The following MAGI2 variants were observed in gnomAD, a reference collection of about 807,000 sequenced individuals.
MAGI2 encodes the protein membrane-associated guanylate kinase, WW and PDZ domain-containing protein 2.
Under a neutral mutation model 133.3 loss-of-function variants are expected in MAGI2, and 35 were observed. That is an observed-to-expected ratio of 0.26 (90% CI 0.20 to 0.35). The LOEUF (loss-of-function observed/expected upper bound fraction) is 0.35, where lower values mean the gene tolerates loss of function less well. Ranked by LOEUF, MAGI2 falls within the 10% of genes least tolerant of loss-of-function variation. MAGI2 has a pLI of 1.00. For synonymous variants in MAGI2, 729 were observed against 710.6 expected (o/e 1.03, Z -0.41); for missense variants, 1,636 against 1,863.4 (o/e 0.88, Z 2.25).
intron 1 of MAGI2, among the ~76,000 whole-genome samples, chr7:79,404,500 C>T (rs753978126): frequency 6.6e-6 from 1 of 152,060 alleles, no homozygotes; most frequent in African/African-American, 2.4e-5. Context: ...CGTGTTCAGC[C>T]TTTAACATTT....
chr7:78,126,753 G>C (rs548379587), intron 19 of MAGI2, among the ~76,000 whole-genome samples: 41 of 152,326 alleles, frequency 2.7e-4, no homozygotes, highest in African/African-American at 9.9e-4. Context: ...ACAGGGGCTT[G>C]GCCCTTTATC....
chr7:78,710,029 C>T (rs1455124457), intron 2 of MAGI2, among the ~76,000 whole-genome samples: 4 of 152,116 alleles, frequency 2.6e-5, no homozygotes, highest in Non-Finnish European at 5.9e-5. Context: ...CTAACATATC[C>T]AGGAGGGTAA....
chr7:79,153,918 G>A (rs1341285325), intron 1 of MAGI2, among the ~76,000 whole-genome samples: 2 of 152,116 alleles, frequency 1.3e-5, no homozygotes, highest in Non-Finnish European at 2.9e-5. Flanking sequence ...TAAGAAACAG[G>A]AAAGTTAAAT....
chr7:79,358,803 A>G (rs1354978755), intron 1 of MAGI2, among the ~76,000 whole-genome samples: 2 of 152,182 alleles, frequency 1.3e-5, no homozygotes, highest in Admixed American at 1.3e-4. Context: ...AACCAAGTAG[A>G]CCATAATAAT....
chr7:78,749,863 C>A (rs959237647), intron 2 of MAGI2, among the ~76,000 whole-genome samples: 63 of 152,214 alleles, frequency 4.1e-4, no homozygotes, highest in African/African-American at 1.5e-3. Context: ...AATTTTTCTT[C>A]ATTCATTTAA....
chr7:78,355,402 T>TGTCA (rs1432379730), intron 7 of MAGI2, among the ~76,000 whole-genome samples: 1 of 152,212 alleles, frequency 6.6e-6, no homozygotes, highest in African/African-American at 2.4e-5. Context: ...GAAGAATGAA[T>TGTCA]GTCAGCCTTG....
intron 1 of MAGI2, among the ~76,000 whole-genome samples, chr7:79,287,038 A>G (rs868292544): frequency 7.9e-5 from 12 of 152,186 alleles, no homozygotes; most frequent in African/African-American, 2.9e-4. Flanking sequence ...CAATTCCTTA[A>G]TCATGGCTGG....
intron 10 of MAGI2, among the ~76,000 whole-genome samples, chr7:78,206,284 C>T (rs954397725): frequency 7.2e-6 from 1 of 139,638 alleles, no homozygotes; most frequent in Non-Finnish European, 1.5e-5. Flanking sequence ...TTTCTTTTTC[C>T]TTTTCCTTTC....
At chr7:78,638,119 T>C (rs1809876507) in intron 2 of MAGI2, among the ~76,000 whole-genome samples, 1 of 151,658 alleles carries the variant, frequency 6.6e-6, no homozygotes, top group African/African-American at 2.4e-5. Flanking sequence ...ACTCATCACC[T>C]GAACTAAAAA....
At chr7:78,156,838 C>A (rs996773025) in intron 16 of MAGI2, among the ~76,000 whole-genome samples, 6 of 144,560 alleles carry the variant, frequency 4.2e-5, no homozygotes, top group Admixed American at 6.9e-5. Context: ...CAAAAAAAAA[C>A]CCCAAAAAAC....
chr7:78,343,868 T>G lies in MAGI2; in HGVS notation c.1318A>C (p.Ile440Leu). The change falls in exon 9 of 22, where the codon ATC (isoleucine) becomes CTC (leucine). Residue 440 changes from isoleucine (I) to leucine (L), a missense_variant. By Grantham distance (5) the Ile-to-Leu change is conservative. Transcript: ENST00000354212. ...KKSNMGFGFTIIGGDEPDEFL... is the reference protein window; with the variant it reads ...KKSNMGFGFTLIGGDEPDEFL... ...TCATCAGGCTCGTCTCCACCAATGA[T>G]GGTAAATCCAAAGCCCATGTTGCTC... 1 of 1,613,542 alleles carries G rather than the reference T, an allele frequency of 6.2e-7. No individual in the cohort carries two copies. Among genetic ancestry groups the G allele is most frequent in the South Asian group, 1.1e-5 (1 of 90,952 alleles).
At chr7:79,134,259 T>C (rs959109319) in intron 1 of MAGI2, among the ~76,000 whole-genome samples, 2 of 152,202 alleles carry the variant, frequency 1.3e-5, no homozygotes, top group Admixed American at 6.5e-5. Context: ...TATTAGTTGA[T>C]ATAATAATCA....
chr7:78,444,737 C>G (rs1359015179), intron 6 of MAGI2, among the ~76,000 whole-genome samples: 2 of 135,940 alleles, frequency 1.5e-5, no homozygotes, highest in Non-Finnish European at 3.2e-5. Flanking sequence ...GTTTTCCCGG[C>G]TCTCCCTCAA....
At chr7:78,899,185 A>G (rs1797426415) in intron 2 of MAGI2, among the ~76,000 whole-genome samples, 1 of 152,202 alleles carries the variant, frequency 6.6e-6, no homozygotes, top group East Asian at 1.9e-4. Context: ...TAATATTTTC[A>G]TAAGAATGAA....
intron 6 of MAGI2, chr7:78,486,801 T>C (rs998015324): frequency 4.5e-6 from 2 of 439,814 alleles, no homozygotes; most frequent in South Asian, 3.6e-5. Context: ...TCATGTATCT[T>C]ACTACTGCCC....
intron 6 of MAGI2, among the ~76,000 whole-genome samples, chr7:78,387,930 A>G (rs1404256683): frequency 2.6e-4 from 1 of 3,854 alleles, no homozygotes; most frequent in Non-Finnish European, 6.2e-4. Flanking sequence ...TGTCTCAAAT[A>G]AATAAATAAA....
chr7:78,797,296 T>C (rs1359055490), intron 2 of MAGI2, among the ~76,000 whole-genome samples: 1 of 152,094 alleles, frequency 6.6e-6, no homozygotes, highest in Non-Finnish European at 1.5e-5. Context: ...AAAAGATTTA[T>C]GTATATCATA....
chr7:79,316,402 A>C (rs1185983995), intron 1 of MAGI2, among the ~76,000 whole-genome samples: 1 of 152,176 alleles, frequency 6.6e-6, no homozygotes, highest in Non-Finnish European at 1.5e-5. Context: ...TCATATCCAC[A>C]GTTTCATGTC....
At chr7:79,416,829 T>C (rs1193657247) in intron 1 of MAGI2, among the ~76,000 whole-genome samples, 3 of 149,562 alleles carry the variant, frequency 2.0e-5, no homozygotes, top group African/African-American at 2.5e-5. Flanking sequence ...CCACCTCCTA[T>C]GTTCAAGCGA....
Sources: gnomAD v4.1 joint callset for allele counts (sites outside exome capture counted in the v4.1 genomes callset) on GRCh38, gnomAD v4.1.1 for gene constraint, MANE v1.5 for transcripts, NCBI Gene and HGNC (gene_info 2026-07-23, HGNC 2026-07-21) for gene names.